MBNL1: variants seen among roughly 807,000 people sequenced by gnomAD.
MBNL1 encodes muscleblind-like protein 1.
MBNL1 carries 8 observed loss-of-function variants against 42.2 expected under a neutral mutation model. The ratio of observed to expected loss-of-function variants is 0.19; its 90% CI spans 0.11 to 0.34. The LOEUF (loss-of-function observed/expected upper bound fraction) is 0.34. Ranked by LOEUF, MBNL1 falls within the 10% of genes least tolerant of loss-of-function variation. The probability of loss-of-function intolerance (pLI) is 1.00; values close to 1 mark genes in which losing one functional copy is unlikely to be tolerated. For missense variants in MBNL1, 309 were observed against 495.3 expected (o/e 0.62, Z 3.57); for synonymous variants, 169 against 173.9 (o/e 0.97, Z 0.22).
intron 2 of MBNL1, among the ~76,000 whole-genome samples, chr3:152,367,797 T>G: frequency 6.6e-6 from 1 of 152,236 alleles, no homozygotes; most frequent in East Asian, 1.9e-4. Flanking sequence ...GAGCATTTTT[T>G]CATGTGTCTT....
intron 2 of MBNL1, among the ~76,000 whole-genome samples, chr3:152,394,139 G>A (rs1397812457): frequency 6.6e-6 from 1 of 152,156 alleles, no homozygotes; most frequent in East Asian, 1.9e-4. Context: ...CTCTGAGACA[G>A]CAGTAATATT....
intron 4 of MBNL1, among the ~76,000 whole-genome samples, chr3:152,436,817 C>T (rs2099084211): frequency 1.3e-5 from 2 of 152,268 alleles, no homozygotes; most frequent in South Asian, 4.1e-4. Flanking sequence ...TTGCTGTAGT[C>T]AGCACAAACG....
chr3:152,249,476 TC>T (rs2034069948), intron 2 of MBNL1, among the ~76,000 whole-genome samples: 1 of 104,978 alleles, frequency 9.5e-6, no homozygotes, highest in Non-Finnish European at 2.2e-5. Flanking sequence ...TTTGTTTTTT[TC>T]TTGTAAATTT....
intron 2 of MBNL1, among the ~76,000 whole-genome samples, chr3:152,376,515 T>C (rs2096908020): frequency 6.6e-6 from 1 of 152,226 alleles, no homozygotes; most frequent in African/African-American, 2.4e-5. Context: ...AGAAGTAAAA[T>C]GTGATGTTTA....
chr3:152,440,286 A>G (rs2099129199), intron 4 of MBNL1, among the ~76,000 whole-genome samples: 1 of 152,238 alleles, frequency 6.6e-6, no homozygotes, highest in Non-Finnish European at 1.5e-5. Context: ...CAAATGTATT[A>G]GTCCATTTTC....
intron 2 of MBNL1, among the ~76,000 whole-genome samples, chr3:152,390,613 G>GCACACACACA (rs3220073): frequency 0.054 from 7,993 of 147,168 alleles, 299 homozygotes; most frequent in Middle Eastern, 0.11. Context: ...GTATTGTTAT[G>GCACACACACA]CACACACACA....
chr3:152,447,895 C>T, intron 6 of MBNL1, 122 bp downstream of exon 6: 1 of 789,548 alleles, frequency 1.3e-6, no homozygotes, highest in Non-Finnish European at 1.9e-6. Flanking sequence ...GTAAGGTGGT[C>T]AATGATGGAA....
chr3:152,459,220 T>C, intron 8 of MBNL1, 51 bp from the exon 9 acceptor site: 1 of 997,310 alleles, frequency 1.0e-6, no homozygotes, highest in Non-Finnish European at 1.5e-6. Context: ...CATCTCTTAA[T>C]TGTTGGCTTG....
At chr3:152,333,887 G>C (rs2087258545) in intron 2 of MBNL1, among the ~76,000 whole-genome samples, 1 of 152,180 alleles carries the variant, frequency 6.6e-6, no homozygotes, top group African/African-American at 2.4e-5. Flanking sequence ...TAGAGCTCCA[G>C]CTCTGGAACT....
At position 152,381,367 on chromosome 3, in the gene MBNL1, A is replaced by AAAAC. The variant is rs893910923; in HGVS notation, c.175-33558_175-33555dup. Among the ~76,000 whole-genome samples, 8 of 152,014 alleles carry AAAAC rather than the reference A, an allele frequency of 5.3e-5. No individual in the cohort carries two copies. The East Asian group carries it at 7.7e-4, about 15-fold the overall frequency. ...AGCTAGTATGTGTCCTTACTTGCTA[A>AAAAC]AAACAAACAAACAAACAAAAAAAAG... On this transcript the variant is annotated intron_variant, in intron 2 of 9. Coordinates refer to ENST00000324210, the MANE Select transcript of MBNL1 (RefSeq NM_021038.5).
chr3:152,293,691 C>A (rs2057229293), intron 1 of MBNL1, among the ~76,000 whole-genome samples: 1 of 152,140 alleles, frequency 6.6e-6, no homozygotes, highest in Non-Finnish European at 1.5e-5. Context: ...CAGTATATAA[C>A]TTATATCAAC....
At chr3:152,307,156 AT>A (rs2063604057) in intron 2 of MBNL1, among the ~76,000 whole-genome samples, 1 of 151,940 alleles carries the variant, frequency 6.6e-6, no homozygotes, top group African/African-American at 2.4e-5. Context: ...TGCCCAGCTA[AT>A]TTTTGCATTT....
intron 2 of MBNL1, among the ~76,000 whole-genome samples, chr3:152,333,642 TA>T (rs2087004941): frequency 6.6e-6 from 1 of 152,214 alleles, no homozygotes; most frequent in Admixed American, 6.5e-5. Flanking sequence ...TATACCCTAT[TA>T]AATGGCAATG....
chr3:152,427,760 A>T (rs2098952607), intron 3 of MBNL1, among the ~76,000 whole-genome samples: 3 of 150,636 alleles, frequency 2.0e-5, no homozygotes, highest in East Asian at 1.9e-4. Context: ...TAAAAATTTT[A>T]AAAATTTTAA....
intron 6 of MBNL1, among the ~76,000 whole-genome samples, chr3:152,453,849 A>AAT (rs1341098486): frequency 2.0e-5 from 3 of 152,328 alleles, no homozygotes; most frequent in Non-Finnish European, 4.4e-5. Flanking sequence ...CATGGGATGA[A>AAT]ATACAGTAGG....
At chr3:152,356,612 C>T (rs961072547) in intron 2 of MBNL1, among the ~76,000 whole-genome samples, 5 of 152,030 alleles carry the variant, frequency 3.3e-5, no homozygotes, top group East Asian at 1.9e-4. Flanking sequence ...TGGGATTACA[C>T]GTTCGCACCA....
At chr3:152,258,181 C>G (rs1045479677) in intron 2 of MBNL1, among the ~76,000 whole-genome samples, 4 of 151,980 alleles carry the variant, frequency 2.6e-5, no homozygotes, top group Admixed American at 6.6e-5. Context: ...TTAACAAGAG[C>G]TTATTTTTTA....
intron 3 of MBNL1, among the ~76,000 whole-genome samples, chr3:152,415,867 A>ATATTTATTCAT (rs1491133255): frequency 6.6e-6 from 1 of 152,224 alleles, no homozygotes; most frequent in Non-Finnish European, 1.5e-5. Flanking sequence ...ATCTCTATTC[A>ATATTTATTCAT]TATTTATTCA....
intron 2 of MBNL1, among the ~76,000 whole-genome samples, chr3:152,332,745 C>CGT (rs1560182407): frequency 6.8e-6 from 1 of 147,230 alleles, no homozygotes; most frequent in East Asian, 2.0e-4. Context: ...TGTGTGCGCG[C>CGT]GCGCATGCGC....
Sources: gnomAD v4.1 joint callset for allele counts (sites outside exome capture counted in the v4.1 genomes callset) on GRCh38, gnomAD v4.1.1 for gene constraint, MANE v1.5 for transcripts, NCBI Gene and HGNC (gene_info 2026-07-23, HGNC 2026-07-21) for gene names.